Variants in GSE1 observed in about 807,000 individuals in gnomAD.
The protein encoded by GSE1 is genetic suppressor element 1.
In GSE1, 32 loss-of-function variants were observed where a neutral mutation model predicts 112.6. The observed-to-expected ratio is 0.28, with a 90% CI of 0.21 to 0.38. GSE1 has a LOEUF of 0.38. Among genes scored for constraint, GSE1 ranks in the 10% least tolerant of loss-of-function variants. The probability of loss-of-function intolerance (pLI) is 1.00; values close to 1 mark genes in which losing one functional copy is unlikely to be tolerated. For synonymous variants in GSE1, 1,115 were observed against 735.6 expected (o/e 1.52, Z -8.35); for missense variants, 2,348 against 1,699.2 (o/e 1.38, Z -6.71).
intron 3 of GSE1, among the ~76,000 whole-genome samples, chr16:85,653,019 T>G (rs1021818533): frequency 1.3e-5 from 2 of 151,322 alleles, no homozygotes; most frequent in Non-Finnish European, 2.9e-5. Flanking sequence ...AGCGTGGCCA[T>G]GGCTCTCAGA....
At chr16:85,563,786 C>T (rs964323340) in intron 1 of GSE1, among the ~76,000 whole-genome samples, 2 of 152,216 alleles carry the variant, frequency 1.3e-5, no homozygotes, top group Non-Finnish European at 2.9e-5. Flanking sequence ...AGAGGTCAGA[C>T]GGGCTGTCCC....
chr16:85,295,446 G>A (rs1597320604), intron 1 of GSE1, among the ~76,000 whole-genome samples: 1 of 152,348 alleles, frequency 6.6e-6, no homozygotes, highest in Admixed American at 6.5e-5. Context: ...CGTAGACCGC[G>A]TCCTTTTTGC....
At chr16:85,175,594 GC>G (rs2074446523) in intron 1 of GSE1, among the ~76,000 whole-genome samples, 1 of 152,216 alleles carries the variant, frequency 6.6e-6, no homozygotes, top group African/African-American at 2.4e-5. Context: ...TGCTGCTGGC[GC>G]GACGCTGGGT....
intron 1 of GSE1, among the ~76,000 whole-genome samples, chr16:85,260,341 T>G (rs1907556250): frequency 7.1e-6 from 1 of 141,304 alleles, no homozygotes. Flanking sequence ...TTTTTTTTTT[T>G]GAGATGGAGT....
At chr16:85,596,966 T>G (rs1360364216) in intron 1 of GSE1, among the ~76,000 whole-genome samples, 7 of 151,586 alleles carry the variant, frequency 4.6e-5, no homozygotes, top group Admixed American at 2.0e-4. Context: ...GTAGTTGTTT[T>G]TTTGTTTGTT....
chr16:85,625,394 G>A (rs2049004172), intron 1 of GSE1, among the ~76,000 whole-genome samples: 1 of 152,200 alleles, frequency 6.6e-6, no homozygotes, highest in Admixed American at 6.5e-5. Flanking sequence ...CTGTCCGCGG[G>A]TCCCCAGAAT....
intron 2 of GSE1, among the ~76,000 whole-genome samples, chr16:85,637,317 C>T (rs1291688180): frequency 6.6e-6 from 1 of 152,196 alleles, no homozygotes; most frequent in Non-Finnish European, 1.5e-5. Context: ...GGGCCATCTG[C>T]GGCGTGACAG....
At chr16:85,342,878 A>G (rs7185803) in intron 1 of GSE1, among the ~76,000 whole-genome samples, 91,914 of 150,024 alleles carry the variant, frequency 0.61, 28,948 homozygotes, top group African/African-American at 0.76. Flanking sequence ...CCATGCACAA[A>G]TTGTACCCCT....
At chr16:85,671,466 T>G (rs72803006) in intron 15 of GSE1, among the ~76,000 whole-genome samples, 45,494 of 126,906 alleles carry the variant, frequency 0.36, 9,023 homozygotes, top group East Asian at 0.53. Flanking sequence ...AAGATCAAAA[T>G]TTGGACTGCA....
intron 1 of GSE1, among the ~76,000 whole-genome samples, chr16:85,582,913 T>C (rs575064788): frequency 2.0e-5 from 3 of 152,282 alleles, no homozygotes; most frequent in African/African-American, 7.2e-5. Flanking sequence ...AGATTAAATA[T>C]AAGTGAGTTT....
At chr16:85,197,216 T>C (rs947003429) in intron 1 of GSE1, among the ~76,000 whole-genome samples, 18 of 152,166 alleles carry the variant, frequency 1.2e-4, no homozygotes, top group Admixed American at 1.1e-3. Flanking sequence ...CCAGAGCCAC[T>C]TGGGGATCCA....
At chr16:85,223,268 A>T (rs1402961710) in intron 1 of GSE1, among the ~76,000 whole-genome samples, 1 of 152,216 alleles carries the variant, frequency 6.6e-6, no homozygotes, top group Admixed American at 6.5e-5. Context: ...CACGCCTGTA[A>T]TCCCAACACT....
chr16:85,453,038 G>A (rs143523745), intron 2 of GSE1, among the ~76,000 whole-genome samples: 18 of 152,322 alleles, frequency 1.2e-4, no homozygotes, highest in African/African-American at 3.8e-4. Context: ...GGTCCAGGGC[G>A]GAGGGACACC....
At chr16:85,404,136 T>C (rs112737004) in intron 2 of GSE1, among the ~76,000 whole-genome samples, 6,195 of 75,424 alleles carry the variant, frequency 0.082, 383 homozygotes, top group African/African-American at 0.11. Context: ...AGGGCCCCCC[T>C]GGATAATCCA....
chr16:85,369,123 C>T (rs1273659767), intron 2 of GSE1, among the ~76,000 whole-genome samples: 1 of 152,222 alleles, frequency 6.6e-6, no homozygotes, highest in Non-Finnish European at 1.5e-5. Context: ...GTGGGCAGGA[C>T]TGGCTCCTCC....
chr16:85,387,282 C>A (rs1405334090), intron 2 of GSE1, among the ~76,000 whole-genome samples: 2 of 152,176 alleles, frequency 1.3e-5, no homozygotes, highest in East Asian at 3.8e-4. Context: ...GAACCCCCCA[C>A]TTTCCCGACG....
intron 2 of GSE1, among the ~76,000 whole-genome samples, chr16:85,641,280 C>T (rs1301697991): frequency 3.3e-5 from 5 of 152,268 alleles, no homozygotes; most frequent in Admixed American, 1.3e-4. Context: ...GGTCCAGCAT[C>T]TAAGCTCACG....
At chr16:85,602,828 G>A (rs546551351) in intron 1 of GSE1, among the ~76,000 whole-genome samples, 16 of 152,358 alleles carry the variant, frequency 1.1e-4, no homozygotes, top group African/African-American at 3.6e-4. Flanking sequence ...TGCTGCCAGC[G>A]ATGTACCCGG....
intron 1 of GSE1, among the ~76,000 whole-genome samples, chr16:85,342,114 C>T (rs548965298): frequency 7.2e-5 from 11 of 152,050 alleles, no homozygotes; most frequent in African/African-American, 2.4e-4. Context: ...CCTGACACCT[C>T]GGGACCCACC....
Sources: allele counts gnomAD v4.1 joint callset (sites outside exome capture counted in the v4.1 genomes callset), GRCh38; gene constraint gnomAD v4.1.1; transcripts MANE v1.5; gene names NCBI Gene and HGNC (gene_info 2026-07-23, HGNC 2026-07-21).